The following ZNF48 variants were observed in gnomAD, a reference collection of about 807,000 sequenced individuals.
ZNF48 encodes the protein zinc finger protein 553.
ZNF48 carries 20 observed loss-of-function variants against 40.0 expected under a neutral mutation model. The observed-to-expected ratio is 0.50, with a 90% CI of 0.35 to 0.73. The LOEUF (loss-of-function observed/expected upper bound fraction) is 0.73. Among genes scored for constraint, ZNF48 ranks in the 30% least tolerant of loss-of-function variants. ZNF48 has a pLI of 0.01. For synonymous variants in ZNF48, 298 were observed against 329.7 expected, an observed-to-expected ratio of 0.90 and a Z score of 1.04; for missense variants, 726 against 851.9, an observed-to-expected ratio of 0.85 and a Z score of 1.84.
intron 1 of ZNF48, among the ~76,000 whole-genome samples, chr16:30,390,399 TTTTTTA>T (rs1275689534): frequency 2.0e-5 from 3 of 151,998 alleles, no homozygotes; most frequent in African/African-American, 7.2e-5. Context: ...ACTTACATTC[TTTTTTA>T]TTTTTATTTA....
Position 30,397,341 on chromosome 16 carries a change from G to C in ZNF48, c.91G>C (p.Glu31Gln). Residue 31 changes from glutamate to glutamine, a missense_variant, in exon 3 of 3, where the codon GAG becomes CAG. By Grantham distance (29) the Glu-to-Gln change is conservative. Coordinates refer to ENST00000613509, the MANE Select transcript of ZNF48 (RefSeq NM_001214909.2). The surrounding 1 kb of genome is among the most constrained non-coding windows in gnomAD (Gnocchi z 4.1). ...QRGARTGLGS[E>Q]NVISQPNEFE... ...TTTTCTTTCCTCAGGTCTAGGGAGT[G>C]AGAACGTGATTTCTCAGCCGAATGA... 1 of 1,612,490 alleles carries C rather than the reference G, an allele frequency of 6.2e-7. No homozygotes were observed. The highest frequency in any genetic ancestry group is 8.5e-7 in the Non-Finnish European group (1 of 1,179,122).
chr16:30,379,972 T>A (rs1346337218), intron 1 of ZNF48: 1 of 1,607,512 alleles, frequency 6.2e-7, no homozygotes, highest in East Asian at 2.2e-5. Context: ...TTCATCTTCA[T>A]CAGAGTCACA....
upstream of ZNF48, chr16:30,395,339 G>A (rs746853713): frequency 1.1e-5 from 5 of 452,622 alleles, no homozygotes; most frequent in South Asian, 7.8e-5. This position sits in a 1 kb window ranked among gnomAD's most constrained non-coding sequence, Gnocchi z 5.9. Flanking sequence ...AGCTACCGCC[G>A]ACGCGGGCGA....
chr16:30,391,985 G>C (rs1308745871), upstream of ZNF48, among the ~76,000 whole-genome samples: 1 of 151,956 alleles, frequency 6.6e-6, no homozygotes, highest in Non-Finnish European at 1.5e-5. Flanking sequence ...CTACAGGTGT[G>C]CACCACCACT....
upstream of ZNF48, chr16:30,395,179 C>T: frequency 2.2e-6 from 1 of 454,112 alleles, no homozygotes; most frequent in Non-Finnish European, 4.4e-6. This position sits in a 1 kb window ranked among gnomAD's most constrained non-coding sequence, Gnocchi z 5.9. Flanking sequence ...GCGCGGGTGG[C>T]TGGAGACACA....
At chr16:30,378,321 G>A (rs2049778571) in exon 1 of ZNF48, 2 of 1,057,760 alleles carry the variant, frequency 1.9e-6, no homozygotes, top group Non-Finnish European at 2.7e-6. Context: ...CCTAGCCCGC[G>A]CGAGGGCGGC....
chr16:30,395,683 G>T lies in ZNF48; in HGVS notation c.-15-97G>T, dbSNP rs2049976568. On this transcript the variant is annotated intron_variant, in intron 1 of 2. Transcript: ENST00000613509. This position sits in a 1 kb window ranked among gnomAD's most constrained non-coding sequence, Gnocchi z 5.9. ...GCGCCCGTACCTGGGACCCGACGCC[G>T]CCCGGTGCCCGCGCTGGCCGGCAGA... 2.8e-6 allele frequency: 3 copies of T among 1,082,030 alleles called. No individual in the cohort carries two copies. Among genetic ancestry groups the T allele is most frequent in the East Asian group, 7.0e-5 (2 of 28,452 alleles). The allele number at this position is 1,082,030 out of a possible 1,614,324, so 67.0% of individuals were successfully genotyped here. A position where few individuals can be genotyped will look rare whatever the true frequency, so the allele number is the denominator to read the frequency against.
At position 30,382,312 on chromosome 16, in the gene ZNF48, A is replaced by G; in HGVS notation, c.-16+3902A>G. On this transcript the variant is annotated intron_variant, in intron 1 of 2. Transcript: ENST00000528032. This position sits in a 1 kb window ranked among gnomAD's most constrained non-coding sequence, Gnocchi z 4.8. ...GCGTGAAGTCAAACCCCTTCTTGAC[A>G]GACTTGCGGTGCAGCTGGTTGGGGA... 2 of 1,613,882 alleles carry G rather than the reference A, an allele frequency of 1.2e-6. No individual in the cohort carries two copies. Among genetic ancestry groups the G allele is most frequent in the Non-Finnish European group, 1.7e-6 (2 of 1,179,848 alleles).
At chr16:30,387,043 C>T (rs996846470) in intron 1 of ZNF48, among the ~76,000 whole-genome samples, 1 of 147,760 alleles carries the variant, frequency 6.8e-6, no homozygotes, top group Admixed American at 6.8e-5. Flanking sequence ...CCAGGGTTCA[C>T]GCCATTCTCC....
upstream of ZNF48, chr16:30,395,076 C>A (rs576338834): frequency 2.6e-5 from 10 of 381,520 alleles, no homozygotes; most frequent in South Asian, 3.8e-5. The surrounding 1 kb of genome is among the most constrained non-coding windows in gnomAD (Gnocchi z 5.9). Context: ...TGGTCTCTCC[C>A]CCACCCCTTT....
upstream of ZNF48, among the ~76,000 whole-genome samples, chr16:30,390,904 G>C (rs1447334659): frequency 1.3e-5 from 2 of 151,514 alleles, no homozygotes; most frequent in South Asian, 4.2e-4. Context: ...GATTACAGGC[G>C]TGAGCCACCG....
Position 30,381,315 on chromosome 16 carries a change from G to A in ZNF48, c.-16+2905G>A. 6.3e-7 allele frequency: 1 copy of A among 1,589,652 alleles called. No individual in the cohort carries two copies. Among genetic ancestry groups the A allele is most frequent in the Non-Finnish European group, 8.6e-7 (1 of 1,161,166 alleles). ...CCCCCAGCCCTCCCTAAATGCGCCAGCCCCCAGGATCCCCCCACCAGACCC... is the reference window on the plus strand; with the variant it reads ...CCCCCAGCCCTCCCTAAATGCGCCAACCCCCAGGATCCCCCCACCAGACCC... On this transcript the variant is annotated intron_variant, in intron 1 of 2. Transcript: ENST00000528032. This position sits in a 1 kb window ranked among gnomAD's most constrained non-coding sequence, Gnocchi z 4.3.
At chr16:30,390,614 T>G (rs796443956), upstream of ZNF48, among the ~76,000 whole-genome samples, 3,142 of 54,860 alleles carry the variant, frequency 0.057, 187 homozygotes, top group African/African-American at 0.13. Flanking sequence ...TTTTTTTTTT[T>G]TTTTTTTTTT....
chr16:30,379,596 G>T (rs907113565), intron 1 of ZNF48: 36 of 1,039,276 alleles, frequency 3.5e-5, no homozygotes, highest in Non-Finnish European at 4.5e-5. Flanking sequence ...CTCTTTCCCA[G>T]CTTCAATCTC....
chr16:30,390,609 T>G (rs796780175), upstream of ZNF48, among the ~76,000 whole-genome samples: 1,396 of 47,220 alleles, frequency 0.03, 30 homozygotes, highest in African/African-American at 0.072. Flanking sequence ...GGGTTTTTTT[T>G]TTTTTTTTTT....
upstream of ZNF48, chr16:30,394,565 C>T: frequency 6.6e-6 from 1 of 152,554 alleles, no homozygotes; most frequent in South Asian, 2.1e-4. Flanking sequence ...GTCTTTCTGG[C>T]CGCCTCTTTC....
chr16:30,389,816 G>GTTTTT (rs56373430), intron 1 of ZNF48, among the ~76,000 whole-genome samples: 851 of 22,502 alleles, frequency 0.038, 361 homozygotes, highest in East Asian at 0.11. Context: ...ATTTGGATTA[G>GTTTTT]TTTTTTTTTT....
intron 1 of ZNF48, chr16:30,379,361 A>G (rs1184923355): frequency 6.8e-7 from 1 of 1,464,498 alleles, no homozygotes; most frequent in Non-Finnish European, 9.5e-7. Context: ...CCCCAACTTC[A>G]CATGTTGAGT....
chr16:30,381,723 G>T lies in ZNF48; in HGVS notation c.-16+3313G>T. 1 of 1,610,618 alleles carries T rather than the reference G, an allele frequency of 6.2e-7. No individual in the cohort carries two copies. Among genetic ancestry groups the T allele is most frequent in the South Asian group, 1.1e-5 (1 of 90,696 alleles). On this transcript the variant is annotated intron_variant, in intron 1 of 2. Transcript: ENST00000528032. The surrounding 1 kb of genome is among the most constrained non-coding windows in gnomAD (Gnocchi z 4.3). ...TAACTCTCCAGGGAGTCGCCACTGT[G>T]AAAGGCTGAGCCTCTGTCCCCTTTC...
Sources: gnomAD v4.1 joint callset for allele counts (sites outside exome capture counted in the v4.1 genomes callset) on GRCh38, gnomAD v4.1.1 for gene constraint, Gnocchi (gnomAD v3.1) non-coding constraint, MANE v1.5 for transcripts, NCBI Gene and HGNC (gene_info 2026-07-23, HGNC 2026-07-21) for gene names.